KHDRBS2: variants seen among roughly 807,000 people sequenced by gnomAD.
KHDRBS2 encodes KH RNA binding domain containing, signal transduction associated 2.
A neutral mutation model predicts 44.3 loss-of-function variants in KHDRBS2; 26 were observed. The ratio of observed to expected loss-of-function variants is 0.59; its 90% CI spans 0.43 to 0.81. The LOEUF is 0.81. Ranked by LOEUF, KHDRBS2 falls within the 40% of genes least tolerant of loss-of-function variation. KHDRBS2 has a pLI of 0.00. For synonymous variants in KHDRBS2, 194 were observed against 151.1 expected (o/e 1.28, Z -2.08); for missense variants, 476 against 433.1 (o/e 1.10, Z -0.88).
chr6:62,144,916 T>A (rs1424025618), intron 2 of KHDRBS2, among the ~76,000 whole-genome samples: 7 of 151,874 alleles, frequency 4.6e-5, no homozygotes, highest in Non-Finnish European at 8.8e-5. Flanking sequence ...TAAAGGTAAG[T>A]CCTTAGTGCA....
the KHDRBS2 span, among the ~76,000 whole-genome samples, chr6:61,585,311 C>A: frequency 1.3e-5 from 2 of 151,950 alleles, no homozygotes. Flanking sequence ...AATGGTACTT[C>A]ATCATTTGTA....
chr6:62,066,019 T>C (rs12199820), intron 2 of KHDRBS2, among the ~76,000 whole-genome samples: 1 of 151,430 alleles, frequency 6.6e-6, no homozygotes. Flanking sequence ...TTTTTCATCC[T>C]GTGTGGAGAG....
chr6:61,965,553 G>C (rs1187535890), intron 4 of KHDRBS2, among the ~76,000 whole-genome samples: 3 of 152,030 alleles, frequency 2.0e-5, no homozygotes, highest in East Asian at 3.9e-4. Context: ...ATATTTTCCA[G>C]ATTGGTTGAG....
intron 4 of KHDRBS2, among the ~76,000 whole-genome samples, chr6:61,949,492 T>C (rs2127382475): frequency 6.6e-6 from 1 of 152,266 alleles, no homozygotes; most frequent in East Asian, 1.9e-4. Context: ...GTTTTACATA[T>C]ATGCTATAAC....
At chr6:62,021,624 A>G (rs7749485) in intron 3 of KHDRBS2, among the ~76,000 whole-genome samples, 124,834 of 151,426 alleles carry the variant, frequency 0.82, 51,855 homozygotes, top group Admixed American at 0.88. Context: ...CCAGGGACCA[A>G]GGTTTATGTT....
At chr6:61,901,757 A>G (rs114846727) in intron 4 of KHDRBS2, among the ~76,000 whole-genome samples, 50 of 152,274 alleles carry the variant, frequency 3.3e-4, no homozygotes, top group Non-Finnish European at 6.3e-4. Context: ...TGTGTGTAGA[A>G]TATGGATGAC....
chr6:62,036,517 A>C (rs1785317151), intron 3 of KHDRBS2, among the ~76,000 whole-genome samples: 1 of 151,994 alleles, frequency 6.6e-6, no homozygotes, highest in Admixed American at 6.6e-5. Context: ...CATGTAGCAA[A>C]CCTGCACTTT....
chr6:62,026,161 C>A (rs1175329608), intron 3 of KHDRBS2, among the ~76,000 whole-genome samples: 7 of 151,444 alleles, frequency 4.6e-5, no homozygotes, highest in Non-Finnish European at 1.5e-5. Flanking sequence ...TGTAAGTGTC[C>A]ATTTACTTAC....
chr6:61,990,955 G>A (rs187255017), intron 3 of KHDRBS2, among the ~76,000 whole-genome samples: 51 of 152,176 alleles, frequency 3.4e-4, no homozygotes, highest in East Asian at 7.7e-4. Context: ...TGATCCATCC[G>A]CCTTGGCCTC....
intron 6 of KHDRBS2, among the ~76,000 whole-genome samples, chr6:61,758,293 G>T (rs1034603522): frequency 4.0e-5 from 6 of 151,698 alleles, no homozygotes; most frequent in Non-Finnish European, 7.4e-5. Context: ...TATGTTTTTT[G>T]TTGTTTTAGG....
chr6:61,578,738 C>T, the KHDRBS2 span, among the ~76,000 whole-genome samples: 3 of 152,224 alleles, frequency 2.0e-5, no homozygotes, highest in Non-Finnish European at 2.9e-5. Context: ...TAGTCGGATG[C>T]TTGGACAGTG....
intron 6 of KHDRBS2, among the ~76,000 whole-genome samples, chr6:61,863,260 T>G (rs1004182022): frequency 1.1e-4 from 7 of 60,992 alleles, no homozygotes; most frequent in South Asian, 4.7e-4. Context: ...TTTGAAGGGG[T>G]TTTTTTTTTT....
At chr6:61,952,097 C>A (rs1407070053) in intron 4 of KHDRBS2, among the ~76,000 whole-genome samples, 1 of 152,008 alleles carries the variant, frequency 6.6e-6, no homozygotes, top group African/African-American at 2.4e-5. Flanking sequence ...TGTAAGATTG[C>A]ATAAATATTT....
chr6:61,603,550 C>A, the KHDRBS2 span, among the ~76,000 whole-genome samples: 1 of 152,138 alleles, frequency 6.6e-6, no homozygotes, highest in Non-Finnish European at 1.5e-5. Flanking sequence ...CCTTTTTATC[C>A]AAACAACTTG....
At chr6:62,204,699 C>G (rs1395671494) in intron 1 of KHDRBS2, among the ~76,000 whole-genome samples, 2 of 152,150 alleles carry the variant, frequency 1.3e-5, no homozygotes, top group East Asian at 3.9e-4. Flanking sequence ...TTATTCCAGA[C>G]TAATTTTTTG....
the KHDRBS2 span, among the ~76,000 whole-genome samples, chr6:61,544,214 T>C: frequency 2.0e-4 from 30 of 152,216 alleles, no homozygotes; most frequent in South Asian, 4.1e-3. Context: ...ATATCTCATG[T>C]TCTCCATAAA....
the KHDRBS2 span, among the ~76,000 whole-genome samples, chr6:61,670,380 T>C: frequency 6.6e-6 from 1 of 151,612 alleles, no homozygotes; most frequent in South Asian, 2.1e-4. Context: ...TGATATTACT[T>C]ATTTTACAAA....
chr6:61,659,862 C>A, the KHDRBS2 span, among the ~76,000 whole-genome samples: 1 of 151,786 alleles, frequency 6.6e-6, no homozygotes, highest in African/African-American at 2.4e-5. Flanking sequence ...GCAGGCCATA[C>A]TGTTTAACCT....
chr6:61,991,396 G>A (rs1359344669), intron 3 of KHDRBS2, among the ~76,000 whole-genome samples: 3 of 152,130 alleles, frequency 2.0e-5, no homozygotes, highest in African/African-American at 7.2e-5. Flanking sequence ...TCAAGAAGAG[G>A]AATCCTCATG....
Sources: allele counts gnomAD v4.1 joint callset (sites outside exome capture counted in the v4.1 genomes callset), GRCh38; gene constraint gnomAD v4.1.1; transcripts MANE v1.5; gene names NCBI Gene and HGNC (gene_info 2026-07-23, HGNC 2026-07-21).